The following P2RY14 variants were observed in gnomAD, a reference collection of about 807,000 sequenced individuals.
The protein encoded by P2RY14 is P2Y purinoceptor 14.
In P2RY14, 2 loss-of-function variants were observed where a neutral mutation model predicts 0.9. The observed-to-expected ratio is 2.16, with a 90% CI of 0.88 to 6.79. P2RY14 has a LOEUF of 6.79. Ranked by LOEUF, P2RY14 falls within the 30% of genes most tolerant of loss-of-function variation. P2RY14 has a pLI of 0.05. For synonymous variants in P2RY14, 158 were observed against 147.2 expected (o/e 1.07, Z -0.53); for missense variants, 378 against 400.1 (o/e 0.94, Z 0.47).
intron 1 of P2RY14, among the ~76,000 whole-genome samples, 187 bp from the exon 2 acceptor site, chr3:151,219,829 T>C (rs2149259919): frequency 6.6e-6 from 1 of 151,904 alleles, no homozygotes; most frequent in East Asian, 1.9e-4. Context: ...TTGCAGCCTC[T>C]TGTGGGAAAC....
chr3:151,227,139 C>T (rs1300267089), intron 1 of P2RY14, among the ~76,000 whole-genome samples: 1 of 152,206 alleles, frequency 6.6e-6, no homozygotes, highest in Non-Finnish European at 1.5e-5. Context: ...AGGTCAGTGA[C>T]CAACATGTGT....
intron 1 of P2RY14, among the ~76,000 whole-genome samples, chr3:151,225,000 A>T (rs1269494220): frequency 6.6e-6 from 1 of 152,220 alleles, no homozygotes. Context: ...AAAATATTTT[A>T]TATTATTTAC....
chr3:151,234,648 A>G (rs1390994674), intron 1 of P2RY14, among the ~76,000 whole-genome samples: 1 of 152,224 alleles, frequency 6.6e-6, no homozygotes, highest in Non-Finnish European at 1.5e-5. Flanking sequence ...AAGTTCCCAG[A>G]TATGGTAATC....
At chr3:151,252,187 ATCTT>A (rs937759922) in intron 1 of P2RY14, among the ~76,000 whole-genome samples, 1 of 152,090 alleles carries the variant, frequency 6.6e-6, no homozygotes, top group Non-Finnish European at 1.5e-5. Context: ...CCATTCATTC[ATCTT>A]TCTATCCATC....
chr3:151,270,066 TGAAGATGAA>T (rs1388735471), intron 1 of P2RY14: 5 of 223,454 alleles, frequency 2.2e-5, no homozygotes, highest in Non-Finnish European at 3.5e-5. Context: ...GGGATAAGGA[TGAAGATGAA>T]GAAGATGAAG....
chr3:151,213,914 C>T lies in P2RY14; in HGVS notation c.403G>A (p.Val135Met), dbSNP rs770915076. 1.2e-6 allele frequency: 2 copies of T among 1,614,024 alleles called. No individual in the cohort carries two copies. The highest frequency in any genetic ancestry group is 3.3e-5 in the Admixed American group (2 of 60,004). Residue 135 changes from valine to methionine, a missense_variant, in exon 3 of 3, where the codon GTG becomes ATG. Physicochemically the swap from Val to Met is conservative, Grantham distance 21 (BLOSUM62 1). Transcript: ENST00000309170. ...ACTGACAGAAGTTTGCTGTAACTCA[C>T]TGACTGGATGAAAGAAGTCCAAAGA... ...KPLWTSFIQS[V>M]SYSKLLSVIV... is the part of the protein sequence containing the mutation.
At chr3:151,271,333 A>T (rs1740901621) in intron 1 of P2RY14, among the ~76,000 whole-genome samples, 1 of 152,228 alleles carries the variant, frequency 6.6e-6, no homozygotes, top group Non-Finnish European at 1.5e-5. Flanking sequence ...CACCCATTAG[A>T]ATGGAAAAAA....
At chr3:151,263,110 A>G (rs1739207962) in intron 1 of P2RY14, among the ~76,000 whole-genome samples, 1 of 152,094 alleles carries the variant, frequency 6.6e-6, no homozygotes, top group South Asian at 2.1e-4. Context: ...GAGGATTAGG[A>G]CATGTCTGCA....
At chr3:151,230,339 A>G (rs1349125112) in intron 1 of P2RY14, among the ~76,000 whole-genome samples, 2 of 152,352 alleles carry the variant, frequency 1.3e-5, no homozygotes, top group East Asian at 3.9e-4. Context: ...CACCTTTCCC[A>G]TGAATTTCAA....
chr3:151,232,845 AC>A (rs1327969343), intron 1 of P2RY14, among the ~76,000 whole-genome samples: 1 of 152,190 alleles, frequency 6.6e-6, no homozygotes, highest in Non-Finnish European at 1.5e-5. Flanking sequence ...TAGACTTAGT[AC>A]CTGACAAAAA....
intron 1 of P2RY14, among the ~76,000 whole-genome samples, chr3:151,256,937 C>T (rs927426994): frequency 6.7e-6 from 1 of 149,174 alleles, no homozygotes; most frequent in Non-Finnish European, 1.5e-5. Flanking sequence ...TTTGCCAAAT[C>T]AAATATCACT....
At chr3:151,242,089 G>A (rs1322895458) in intron 1 of P2RY14, among the ~76,000 whole-genome samples, 4 of 152,320 alleles carry the variant, frequency 2.6e-5, no homozygotes, top group South Asian at 2.1e-4. Flanking sequence ...GGGGCACCAC[G>A]AGATTATATC....
At chr3:151,274,678 T>C (rs1033536275) in intron 1 of P2RY14, among the ~76,000 whole-genome samples, 4 of 152,250 alleles carry the variant, frequency 2.6e-5, no homozygotes, top group Non-Finnish European at 4.4e-5. Flanking sequence ...TAGAATCGTC[T>C]CCAAATCCCC....
At chr3:151,246,954 G>T (rs779097276) in intron 1 of P2RY14, among the ~76,000 whole-genome samples, 2 of 152,114 alleles carry the variant, frequency 1.3e-5, no homozygotes, top group African/African-American at 4.8e-5. Flanking sequence ...CAAAAAGTGG[G>T]CAAAGGACAC....
At chr3:151,231,622 G>C (rs920709017) in intron 1 of P2RY14, among the ~76,000 whole-genome samples, 5 of 152,156 alleles carry the variant, frequency 3.3e-5, no homozygotes, top group Non-Finnish European at 7.3e-5. Flanking sequence ...AAACATGATG[G>C]GCTGGAAGGG....
intron 1 of P2RY14, among the ~76,000 whole-genome samples, chr3:151,277,888 C>A (rs939876721): frequency 2.0e-5 from 3 of 152,176 alleles, no homozygotes; most frequent in African/African-American, 7.2e-5. Context: ...CAATTGCAAA[C>A]AAAGACATAC....
chr3:151,231,839 T>C (rs1411511197), intron 1 of P2RY14, among the ~76,000 whole-genome samples: 1 of 152,232 alleles, frequency 6.6e-6, no homozygotes, highest in Non-Finnish European at 1.5e-5. Flanking sequence ...AGATGCTTAT[T>C]GAAGTATTTA....
At chr3:151,259,802 G>C (rs1738518810) in intron 1 of P2RY14, among the ~76,000 whole-genome samples, 1 of 152,158 alleles carries the variant, frequency 6.6e-6, no homozygotes, top group African/African-American at 2.4e-5. Context: ...CTGGTTTATA[G>C]TTCTTGCCCC....
intron 1 of P2RY14, among the ~76,000 whole-genome samples, chr3:151,224,644 T>C (rs1423411070): frequency 6.6e-6 from 1 of 152,226 alleles, no homozygotes; most frequent in African/African-American, 2.4e-5. Flanking sequence ...CACTTTCTTC[T>C]TCACCCAGAA....
Sources: allele counts gnomAD v4.1 joint callset (sites outside exome capture counted in the v4.1 genomes callset), GRCh38; gene constraint gnomAD v4.1.1; transcripts MANE v1.5; gene names NCBI Gene and HGNC (gene_info 2026-07-23, HGNC 2026-07-21).